Variants in CDKAL1 observed in about 807,000 individuals in gnomAD.
CDKAL1 encodes threonylcarbamoyladenosine tRNA methylthiotransferase.
CDKAL1 carries 32 observed loss-of-function variants against 68.2 expected under a neutral mutation model. The ratio of observed to expected loss-of-function variants is 0.47; its 90% CI spans 0.35 to 0.63. The LOEUF (loss-of-function observed/expected upper bound fraction) is 0.63, where lower values mean the gene tolerates loss of function less well. CDKAL1 is among the 30% of genes least tolerant of loss of function. The pLI, the probability that CDKAL1 is intolerant of heterozygous loss-of-function variation, is 0.00. For missense variants in CDKAL1, 606 were observed against 696.7 expected (o/e 0.87, Z 1.47); for synonymous variants, 234 against 244.3 (o/e 0.96, Z 0.39).
chr6:20,688,720 A>T lies in CDKAL1; in HGVS notation c.371+39343A>T, dbSNP rs373051095. On this transcript the variant is annotated intron_variant, in intron 5 of 15. Coordinates refer to ENST00000274695, the MANE Select transcript of CDKAL1 (RefSeq NM_017774.3). Reference sequence around the variant, plus strand: ...ATTGTTGTTTTAAATTCCCAGTCTGATAATTCCCACATTCTGCCATATCTG... The same window carrying T: ...ATTGTTGTTTTAAATTCCCAGTCTGTTAATTCCCACATTCTGCCATATCTG... 7.2e-5 allele frequency among the ~76,000 whole-genome samples: 11 copies of T among 152,248 alleles called. No individual in the cohort carries two copies. The South Asian group carries it at 8.3e-4, about 11-fold the overall frequency.
intron 5 of CDKAL1, among the ~76,000 whole-genome samples, chr6:20,675,644 C>G (rs1273556755): frequency 6.6e-6 from 1 of 152,208 alleles, no homozygotes; most frequent in African/African-American, 2.4e-5. Context: ...AACAAACCTA[C>G]TGTGCTGCCA....
chr6:20,999,822 G>T (rs534783292), intron 10 of CDKAL1, among the ~76,000 whole-genome samples: 2 of 152,110 alleles, frequency 1.3e-5, no homozygotes, highest in Admixed American at 1.3e-4. Flanking sequence ...CAGTATAGGG[G>T]ATTATGGGAT....
Position 21,062,262 on chromosome 6 carries a change from A to T in CDKAL1, c.1056-2786A>T, listed in dbSNP as rs186675466. Among the ~76,000 whole-genome samples the T allele has an allele frequency of 2.3e-3, 354 of 152,282 alleles. 7 individuals are homozygous for T. The highest frequency in any genetic ancestry group is 0.02 in the Admixed American group (305 of 15,296). On this transcript the variant is annotated intron_variant, in intron 11 of 15. Coordinates refer to ENST00000274695, the MANE Select transcript of CDKAL1 (RefSeq NM_017774.3). ...CAGTTTCTAAGATTTATTTTTAAAA[A>T]TTTTCTAGGAGAGATGGACTATTCT...
intron 11 of CDKAL1, among the ~76,000 whole-genome samples, chr6:21,013,428 A>C (rs1768130236): frequency 6.6e-6 from 1 of 151,988 alleles, no homozygotes; most frequent in Non-Finnish European, 1.5e-5. Context: ...TTATGGGTGC[A>C]TGAGATACTT....
chr6:20,795,177 A>G (rs1436859213), intron 8 of CDKAL1, among the ~76,000 whole-genome samples: 1 of 152,056 alleles, frequency 6.6e-6, no homozygotes, highest in African/African-American at 2.4e-5. Context: ...ATAGGTTTAT[A>G]TGTTTGTATT....
intron 8 of CDKAL1, among the ~76,000 whole-genome samples, chr6:20,823,094 A>G (rs1345139715): frequency 1.3e-5 from 2 of 152,094 alleles, no homozygotes; most frequent in African/African-American, 4.8e-5. Context: ...TCTCTCACAT[A>G]CATATATACG....
At chr6:20,731,527 T>C (rs1029143113) in intron 5 of CDKAL1, among the ~76,000 whole-genome samples, 1 of 152,198 alleles carries the variant, frequency 6.6e-6, no homozygotes, top group Non-Finnish European at 1.5e-5. Context: ...TTGACTGAGA[T>C]TAACTTGCAC....
chr6:20,690,553 C>T (rs765091075), intron 5 of CDKAL1, among the ~76,000 whole-genome samples: 2 of 152,080 alleles, frequency 1.3e-5, no homozygotes, highest in East Asian at 3.8e-4. Context: ...TTAGTATTTC[C>T]AATTTTAGTT....
At chr6:20,705,523 A>T (rs1246052676) in intron 5 of CDKAL1, among the ~76,000 whole-genome samples, 1 of 152,200 alleles carries the variant, frequency 6.6e-6, no homozygotes, top group Non-Finnish European at 1.5e-5. Flanking sequence ...TTTAAATACC[A>T]TATAAAGACA....
At chr6:20,725,445 C>T (rs963781727) in intron 5 of CDKAL1, among the ~76,000 whole-genome samples, 1 of 152,200 alleles carries the variant, frequency 6.6e-6, no homozygotes, top group African/African-American at 2.4e-5. Context: ...AGTGGTCTGA[C>T]TTCCGTAAGC....
intron 5 of CDKAL1, among the ~76,000 whole-genome samples, chr6:20,650,216 G>A (rs1483517648): frequency 6.6e-6 from 1 of 152,010 alleles, no homozygotes; most frequent in Non-Finnish European, 1.5e-5. Context: ...CCACAGCCTC[G>A]CCAGCATCTG....
rs1554200408 is a variant in CDKAL1, at chr6:21,232,014, T to TTG, written c.*976_*977insGT. On this transcript the variant is annotated 3_prime_UTR_variant, in exon 16 of 16. Transcript: ENST00000274695. Reference sequence around the variant, plus strand: ...GGGGTTTTTTTTTTGTTTTTGTTTTTTTTTTTTTTTGAGTCAAGGTCTCAC... The same window carrying TTG: ...GGGGTTTTTTTTTTGTTTTTGTTTTTTGTTTTTTTTTTGAGTCAAGGTCTCAC... 23 of 145,898 alleles carry TTG rather than the reference T, an allele frequency of 1.6e-4. No homozygotes were observed. The highest frequency in any genetic ancestry group is 5.7e-4 in the African/African-American group (23 of 40,126). 9.0% of individuals were successfully genotyped at this position (145,898 alleles called of 1,614,324 possible). A position where few individuals can be genotyped will look rare whatever the true frequency, so the allele number is the denominator to read the frequency against.
In CDKAL1 at chr6:21,205,830, C is replaced by CTTTTT. The variant is rs34849597; in HGVS notation, c.1548+4574_1548+4578dup. 8.1e-4 allele frequency among the ~76,000 whole-genome samples: 54 copies of CTTTTT among 66,600 alleles called. 3 individuals are homozygous for CTTTTT. The highest frequency in any genetic ancestry group is 4.3e-3 in the African/African-American group (50 of 11,508). The allele number at this position is 66,600 out of a possible 152,430, so 43.7% of individuals were successfully genotyped here. ...ACATGCGTGAGCCCCCGCGCCCAGC[C>CTTTTT]TTTTTTTTTTTTTTTTTTTTTTGAG... is the stretch of plus-strand genomic sequence containing the variant. On this transcript the variant is annotated intron_variant, in intron 15 of 15. Coordinates refer to ENST00000274695, the MANE Select transcript of CDKAL1 (RefSeq NM_017774.3).
Position 21,230,959 on chromosome 6 carries a change from C to G in CDKAL1, c.1660C>G (p.Gln554Glu), listed in dbSNP as rs771959285. The change falls in exon 16 of 16, where the codon CAA becomes GAA. Residue 554 changes from glutamine (Q) to glutamate (E), a missense_variant. Coordinates refer to ENST00000274695, the MANE Select transcript of CDKAL1 (RefSeq NM_017774.3). Reference sequence around the variant, plus strand: ...GGTGCTGCCCATGCCAAGGCTACATCAAGACTGTGCGCTGAGGATGTCCGT... The same window carrying G: ...GGTGCTGCCCATGCCAAGGCTACATGAAGACTGTGCGCTGAGGATGTCCGT... ...RMVLPMPRLH[Q>E]DCALRMSVGL... The G allele has an allele frequency of 6.2e-7, 1 of 1,614,110 alleles. No individual in the cohort carries two copies. Among genetic ancestry groups the G allele is most frequent in the South Asian group, 1.1e-5 (1 of 91,072 alleles).
intron 4 of CDKAL1, among the ~76,000 whole-genome samples, chr6:20,568,393 T>A (rs550142596): frequency 4.6e-5 from 7 of 152,108 alleles, no homozygotes; most frequent in African/African-American, 1.7e-4. Context: ...ACAGGTCATC[T>A]TCTTTCACAT....
At chr6:20,981,964 T>C (rs1766173093) in intron 10 of CDKAL1, among the ~76,000 whole-genome samples, 1 of 152,226 alleles carries the variant, frequency 6.6e-6, no homozygotes, top group Non-Finnish European at 1.5e-5. Flanking sequence ...TCTTCTATAT[T>C]TGCAGTCTCT....
intron 7 of CDKAL1, among the ~76,000 whole-genome samples, chr6:20,764,385 C>G (rs562439600): frequency 1.3e-5 from 2 of 152,236 alleles, no homozygotes; most frequent in East Asian, 3.9e-4. Flanking sequence ...TTAGGGTTTT[C>G]CCAACGTGGT....
Position 20,741,699 on chromosome 6 carries a change from T to C in CDKAL1, c.468+2084T>C, listed in dbSNP as rs140990495. On this transcript the variant is annotated intron_variant, in intron 6 of 15. Coordinates refer to ENST00000274695, the MANE Select transcript of CDKAL1 (RefSeq NM_017774.3). ...ATTCCATAGTGTATATGTACCACAT[T>C]TTCTTTATCCGATATGTCATTGTAG... 4.1e-3 allele frequency among the ~76,000 whole-genome samples: 630 copies of C among 152,256 alleles called. 6 individuals carry two copies. The highest frequency in any genetic ancestry group is 0.013 in the African/African-American group (536 of 41,558).
intron 4 of CDKAL1, among the ~76,000 whole-genome samples, chr6:20,564,358 C>T (rs1764378263): frequency 6.6e-6 from 1 of 152,180 alleles, no homozygotes; most frequent in African/African-American, 2.4e-5. Context: ...CAATTTAGCT[C>T]AGTTCCTAAA....
Sources: gnomAD v4.1 joint callset for allele counts (sites outside exome capture counted in the v4.1 genomes callset) on GRCh38, gnomAD v4.1.1 for gene constraint, MANE v1.5 for transcripts, NCBI Gene and HGNC (gene_info 2026-07-23, HGNC 2026-07-21) for gene names.